RERE: variants seen among roughly 807,000 people sequenced by gnomAD.
RERE encodes the protein arginine-glutamic acid dipeptide repeats protein.
A neutral mutation model predicts 146.1 loss-of-function variants in RERE; 40 were observed. That is an observed-to-expected ratio of 0.27 (90% confidence interval 0.21 to 0.36). RERE has a LOEUF of 0.36. RERE is among the 10% of genes least tolerant of loss of function. The pLI is 1.00. For synonymous variants in RERE, 1,003 were observed against 866.0 expected (o/e 1.16, Z -2.78); for missense variants, 1,933 against 2,138.7 (o/e 0.90, Z 1.90).
At chr1:8,740,989 G>A (rs1569682687) in intron 1 of RERE, among the ~76,000 whole-genome samples, 1 of 152,130 alleles carries the variant, frequency 6.6e-6, no homozygotes, top group South Asian at 2.1e-4. Flanking sequence ...TCACTATCAA[G>A]TATTACGTAC....
intron 6 of RERE, among the ~76,000 whole-genome samples, chr1:8,553,428 G>A (rs1382821623): frequency 5.3e-5 from 8 of 151,022 alleles, no homozygotes; most frequent in Non-Finnish European, 1.0e-4. Context: ...CAAAGCCAGC[G>A]TGTCCACACA....
At chr1:8,500,510 T>G (rs1468753220) in intron 8 of RERE, among the ~76,000 whole-genome samples, 2 of 152,232 alleles carry the variant, frequency 1.3e-5, no homozygotes, top group Non-Finnish European at 2.9e-5. Flanking sequence ...GTTCACTCAG[T>G]GCTCAATGGT....
chr1:8,500,747 TC>T (rs1645123588), intron 8 of RERE, among the ~76,000 whole-genome samples: 1 of 141,906 alleles, frequency 7.0e-6, no homozygotes, highest in Non-Finnish European at 1.5e-5. Context: ...CCGGCCGCCA[TC>T]CCATCTAGGA....
At chr1:8,721,730 T>C (rs148984940) in intron 1 of RERE, among the ~76,000 whole-genome samples, 131 of 152,312 alleles carry the variant, frequency 8.6e-4, no homozygotes, top group Middle Eastern at 3.4e-3. Flanking sequence ...TGGCCTCTAT[T>C]AGAAATTTTA....
At chr1:8,763,504 G>A (rs931102038) in intron 1 of RERE, among the ~76,000 whole-genome samples, 15 of 152,092 alleles carry the variant, frequency 9.9e-5, no homozygotes, top group East Asian at 1.9e-4. Flanking sequence ...ATGTGGAGGC[G>A]CACGCCTGTA....
intron 2 of RERE, among the ~76,000 whole-genome samples, chr1:8,655,194 T>C (rs1638243680): frequency 6.6e-6 from 1 of 151,614 alleles, no homozygotes; most frequent in South Asian, 2.1e-4. Context: ...GAGCAATACA[T>C]CTCTGATCTT....
At chr1:8,375,635 C>T (rs1429848005) in intron 12 of RERE, among the ~76,000 whole-genome samples, 3 of 146,766 alleles carry the variant, frequency 2.0e-5, no homozygotes, top group Non-Finnish European at 4.5e-5. Flanking sequence ...CTTCCTCACT[C>T]AGCAGCCACT....
In RERE at chr1:8,361,813, A is replaced by C; in HGVS notation, c.1966T>G (p.Ser656Ala). Residue 656 changes from serine (S) to alanine (A), a missense_variant, in exon 17 of 23, where the codon TCT (serine) becomes GCT (alanine). Transcript: ENST00000400908. ...SNKRQREKVA[S>A]DTEEADRTSS... is the part of the protein sequence containing the mutation. Reference sequence around the variant, plus strand: ...GTCCTGTCAGCCTCCTCCGTATCAGAGGCCACCTTCTCCCGCTGGCGTTTG... The same window carrying C: ...GTCCTGTCAGCCTCCTCCGTATCAGCGGCCACCTTCTCCCGCTGGCGTTTG... 2 of 1,614,120 alleles carry C rather than the reference A, an allele frequency of 1.2e-6. No homozygotes were observed. The highest frequency in any genetic ancestry group is 1.7e-6 in the Non-Finnish European group (2 of 1,179,954).
At chr1:8,702,713 A>C (rs1462657508) in intron 1 of RERE, among the ~76,000 whole-genome samples, 1 of 152,224 alleles carries the variant, frequency 6.6e-6, no homozygotes, top group Non-Finnish European at 1.5e-5. Flanking sequence ...CTTTCCTTTC[A>C]GAAGAAAAAA....
chr1:8,528,582 A>C (rs1019957081), intron 7 of RERE, among the ~76,000 whole-genome samples: 3 of 152,212 alleles, frequency 2.0e-5, no homozygotes, highest in African/African-American at 7.2e-5. Context: ...TCCTAATCCC[A>C]AAATCCCAAA....
intron 12 of RERE, among the ~76,000 whole-genome samples, chr1:8,401,496 A>G (rs1045488740): frequency 6.6e-6 from 1 of 152,132 alleles, no homozygotes; most frequent in African/African-American, 2.4e-5. Flanking sequence ...GCAGTGGCTC[A>G]TGCCTATAAT....
At chr1:8,786,136 T>C (rs1306191363) in intron 1 of RERE, 1 of 486,766 alleles carries the variant, frequency 2.1e-6, no homozygotes, top group African/African-American at 2.0e-5. Context: ...TTTTTTCAAC[T>C]TGAGAGCAGC....
At chr1:8,604,667 A>G (rs1487969530) in intron 4 of RERE, among the ~76,000 whole-genome samples, 1 of 151,156 alleles carries the variant, frequency 6.6e-6, no homozygotes, top group Non-Finnish European at 1.5e-5. Flanking sequence ...GAAGGAAGGA[A>G]GGAAGGAAGT....
chr1:8,467,110 T>C (rs1046697228), intron 10 of RERE, among the ~76,000 whole-genome samples: 5 of 152,148 alleles, frequency 3.3e-5, no homozygotes, highest in African/African-American at 1.2e-4. Flanking sequence ...ACTTCCTAAA[T>C]AAAATACTAG....
At chr1:8,749,658 T>G (rs1233342010) in intron 1 of RERE, among the ~76,000 whole-genome samples, 1 of 152,196 alleles carries the variant, frequency 6.6e-6, no homozygotes, top group East Asian at 1.9e-4. Context: ...CCATTGTGAC[T>G]GATGCTAAGG....
intron 1 of RERE, among the ~76,000 whole-genome samples, chr1:8,738,468 G>A (rs12136374): frequency 0.028 from 4,201 of 151,862 alleles, 70 homozygotes; most frequent in Middle Eastern, 0.078. Context: ...TTACAGGCAT[G>A]AGCCACCACA....
At position 8,360,159 on chromosome 1, in the gene RERE, C is replaced by T. The variant is rs754887260; in HGVS notation, c.3348G>A (p.Pro1116=). The change falls in exon 18 of 23, where the codon CCG becomes CCA. Residue 1116 remains proline (P), a synonymous_variant. Transcript: ENST00000400908. ...TGGGGGTGTCCACCACAGTGGGCTC[C>T]GGGGACGGGCTCCTTGGTGGGGGAG... ...SPPPPPRSPS[P]EPTVVDTPSH... 17 of 1,597,724 alleles carry T rather than the reference C, an allele frequency of 1.1e-5. No homozygotes were observed. The highest frequency in any genetic ancestry group is 4.0e-5 in the African/African-American group (3 of 74,648).
In RERE at chr1:8,529,275, C is replaced by G. The variant is rs1190303820; in HGVS notation, c.830+11939G>C. 2.9e-5 allele frequency among the ~76,000 whole-genome samples: 4 copies of G among 137,878 alleles called. No individual in the cohort carries two copies. In the Admixed American group the frequency reaches 3.2e-4, roughly 11 times the overall value. 90.5% of individuals were successfully genotyped at this position (137,878 alleles called of 152,430 possible). A position where few individuals can be genotyped will look rare whatever the true frequency, so the allele number is the denominator to read the frequency against. ...TATATCCACCAGCCTCCACAACCAT[C>G]AGTTCTCCCTTCTTTTTTTTTTTTT... is the stretch of plus-strand genomic sequence containing the variant. On this transcript the variant is annotated intron_variant, in intron 7 of 22. Transcript: ENST00000400908.
intron 1 of RERE, among the ~76,000 whole-genome samples, chr1:8,793,849 G>C (rs1170185784): frequency 1.3e-5 from 2 of 152,138 alleles, no homozygotes; most frequent in African/African-American, 4.8e-5. Context: ...TGGATCACTT[G>C]AGGCCAGGAG....
Sources: allele counts gnomAD v4.1 joint callset (sites outside exome capture counted in the v4.1 genomes callset), GRCh38; gene constraint gnomAD v4.1.1; transcripts MANE v1.5; gene names NCBI Gene and HGNC (gene_info 2026-07-23, HGNC 2026-07-21).